The following SOX5 variants were observed in gnomAD, a reference collection of about 807,000 sequenced individuals.
SOX5 encodes transcription factor SOX-5.
A neutral mutation model predicts 92.0 loss-of-function variants in SOX5; 9 were observed. The observed-to-expected ratio is 0.10, with a 90% CI of 0.06 to 0.17. SOX5 has a LOEUF of 0.17. SOX5 is among the 10% of genes least tolerant of loss of function. The pLI is 1.00. For synonymous variants in SOX5, 344 were observed against 336.3 expected (o/e 1.02, Z -0.25); for missense variants, 642 against 944.5 (o/e 0.68, Z 4.20).
At chr12:23,673,632 A>G (rs2085161086) in intron 6 of SOX5, among the ~76,000 whole-genome samples, 1 of 152,204 alleles carries the variant, frequency 6.6e-6, no homozygotes, top group Non-Finnish European at 1.5e-5. Context: ...GCTTTGCCCA[A>G]TGGTTTCTAT....
intron 3 of SOX5, among the ~76,000 whole-genome samples, chr12:24,241,423 A>T (rs868661788): frequency 7.9e-5 from 12 of 152,210 alleles, no homozygotes; most frequent in Non-Finnish European, 1.5e-4. Flanking sequence ...AATTTGAGAC[A>T]ATTTAAAACA....
intron 8 of SOX5, among the ~76,000 whole-genome samples, chr12:23,632,646 G>T (rs367546328): frequency 3.3e-5 from 5 of 152,102 alleles, no homozygotes; most frequent in African/African-American, 1.2e-4. Context: ...TTGATAAAAA[G>T]ATGAGCTTCA....
intron 4 of SOX5, among the ~76,000 whole-genome samples, chr12:24,102,023 A>T (rs1024589524): frequency 6.6e-6 from 1 of 152,198 alleles, no homozygotes; most frequent in Non-Finnish European, 1.5e-5. Context: ...CTATTTTCCA[A>T]GTATAACCCT....
intron 13 of SOX5, among the ~76,000 whole-genome samples, chr12:23,542,483 G>A (rs567791705): frequency 6.6e-6 from 1 of 152,042 alleles, no homozygotes; most frequent in Non-Finnish European, 1.5e-5. Context: ...GTCTATAATA[G>A]GTATCTTTAT....
intron 4 of SOX5, among the ~76,000 whole-genome samples, chr12:24,163,902 G>A (rs1197912664): frequency 6.6e-6 from 1 of 151,682 alleles, no homozygotes; most frequent in African/African-American, 2.4e-5. Flanking sequence ...CCCTGGTTCT[G>A]CAATTTGTGA....
Position 23,531,786 on chromosome 12 carries a change from C to T in SOX5, c.*2433G>A, listed in dbSNP as rs938479606. 1 of 151,856 alleles carries T rather than the reference C, an allele frequency of 6.6e-6. No homozygotes were observed. The highest frequency in any genetic ancestry group is 1.5e-5 in the Non-Finnish European group (1 of 67,992). 9.4% of individuals were successfully genotyped at this position (151,856 alleles called of 1,614,324 possible). ...ATAAGTTAATTAAGATTGAACACGA[C>T]CCTCCTATTAATTCACTCCTTTGTT... On this transcript the variant is annotated 3_prime_UTR_variant, in exon 15 of 15. Transcript: ENST00000451604.
At chr12:23,851,260 T>A (rs910928048) in intron 2 of SOX5, among the ~76,000 whole-genome samples, 1 of 152,148 alleles carries the variant, frequency 6.6e-6, no homozygotes, top group African/African-American at 2.4e-5. Context: ...GTTTTCTTAT[T>A]CAGCAATCAT....
chr12:23,812,042 TA>T, intron 3 of SOX5, among the ~76,000 whole-genome samples: 1 of 152,116 alleles, frequency 6.6e-6, no homozygotes, highest in East Asian at 1.9e-4. Context: ...AAAATGTTCT[TA>T]TTTTTTCAAG....
At chr12:23,868,054 T>G (rs1325350272) in intron 2 of SOX5, among the ~76,000 whole-genome samples, 2 of 151,664 alleles carry the variant, frequency 1.3e-5, no homozygotes, top group African/African-American at 4.8e-5. Context: ...CCTCTTTCCC[T>G]CCTTCTCTCC....
chr12:23,797,067 A>T (rs980820147), intron 3 of SOX5, among the ~76,000 whole-genome samples: 6 of 151,670 alleles, frequency 4.0e-5, no homozygotes, highest in African/African-American at 1.2e-4. Flanking sequence ...TCTGAAAAAA[A>T]CACAGCTTCA....
In SOX5 at chr12:24,058,180, T is replaced by C. The variant is rs34718350; in HGVS notation, c.-2+155163A>G. On this transcript the variant is annotated intron_variant, in intron 4 of 4. Transcript: ENST00000446891. The stretch of plus-strand genomic sequence containing the variant: ...ACCTCTTAATTTTGCCATTGCCTGA[T>C]AATATCCTGGCTTTGTGCTTATTTG... Among the ~76,000 whole-genome samples the C allele has an allele frequency of 4.1e-3, 621 of 152,384 alleles. 4 individuals carry two copies. The highest frequency in any genetic ancestry group is 5.1e-3 in the Non-Finnish European group (350 of 68,040).
At chr12:24,150,126 G>GCAGTT (rs1951509350) in intron 4 of SOX5, among the ~76,000 whole-genome samples, 1 of 152,074 alleles carries the variant, frequency 6.6e-6, no homozygotes, top group African/African-American at 2.4e-5. Flanking sequence ...TCGAATATGT[G>GCAGTT]CAGTTCATTA....
intron 3 of SOX5, among the ~76,000 whole-genome samples, chr12:24,249,266 G>T (rs1939545933): frequency 6.6e-6 from 1 of 152,190 alleles, no homozygotes; most frequent in South Asian, 2.1e-4. Context: ...TCCATTTGAA[G>T]GTTCCCCTGT....
chr12:24,529,995 G>C (rs1323258042), intron 1 of SOX5, among the ~76,000 whole-genome samples: 1 of 140,174 alleles, frequency 7.1e-6, no homozygotes, highest in East Asian at 2.3e-4. Context: ...ACTTCAGCCT[G>C]GGCGACAGAG....
intron 2 of SOX5, among the ~76,000 whole-genome samples, chr12:24,305,404 G>A (rs1401927555): frequency 1.3e-5 from 2 of 152,150 alleles, no homozygotes; most frequent in African/African-American, 2.4e-5. Flanking sequence ...GGGGGTTCAT[G>A]AATCATTCCT....
At chr12:23,555,168 T>TATC (rs1944932334) in intron 11 of SOX5, among the ~76,000 whole-genome samples, 1 of 152,228 alleles carries the variant, frequency 6.6e-6, no homozygotes, top group Non-Finnish European at 1.5e-5. Flanking sequence ...TTTAGTCTTT[T>TATC]ATCTATGCAT....
intron 13 of SOX5, among the ~76,000 whole-genome samples, chr12:23,539,383 A>G (rs148414361): frequency 3.5e-3 from 528 of 152,284 alleles, no homozygotes; most frequent in South Asian, 0.012. Flanking sequence ...TAAATATCTA[A>G]TTACAAAATT....
intron 4 of SOX5, among the ~76,000 whole-genome samples, chr12:23,964,230 A>G (rs1947290654): frequency 6.6e-6 from 1 of 152,162 alleles, no homozygotes; most frequent in Non-Finnish European, 1.5e-5. Flanking sequence ...TATTTATAAT[A>G]TGTTCCATAA....
At chr12:24,481,610 T>C (rs1167082722) in intron 1 of SOX5, among the ~76,000 whole-genome samples, 2 of 152,190 alleles carry the variant, frequency 1.3e-5, no homozygotes, top group African/African-American at 4.8e-5. Flanking sequence ...TCTAAGAACC[T>C]GGACAGTAGT....
Sources: allele counts gnomAD v4.1 joint callset (sites outside exome capture counted in the v4.1 genomes callset), GRCh38; gene constraint gnomAD v4.1.1; transcripts MANE v1.5; gene names NCBI Gene and HGNC (gene_info 2026-07-23, HGNC 2026-07-21).